Variants in NTN4 observed in about 807,000 individuals in gnomAD.
NTN4 encodes the protein netrin 4.
Under a neutral mutation model 73.6 loss-of-function variants are expected in NTN4, and 32 were observed. The ratio of observed to expected loss-of-function variants is 0.44; its 90% CI spans 0.33 to 0.58. NTN4 has a LOEUF of 0.58. NTN4 is among the 20% of genes least tolerant of loss of function. NTN4 has a pLI of 0.04. For missense variants in NTN4, 654 were observed against 798.3 expected (o/e 0.82, Z 2.18); for synonymous variants, 258 against 287.5 (o/e 0.90, Z 1.04).
intron 2 of NTN4, among the ~76,000 whole-genome samples, chr12:95,779,756 C>T (rs1384352502): frequency 1.3e-5 from 2 of 152,008 alleles, no homozygotes; most frequent in Non-Finnish European, 2.9e-5. Flanking sequence ...GATTCAATGC[C>T]ATCCCCATCA....
Position 95,790,245 on chromosome 12 carries a change from C to T in NTN4, c.55+10G>A, listed in dbSNP as rs1178080852. The T allele has an allele frequency of 6.5e-7, 1 of 1,532,272 alleles. No homozygotes were observed. Among genetic ancestry groups the T allele is most frequent in the South Asian group, 1.2e-5 (1 of 82,180 alleles). 94.9% of individuals were successfully genotyped at this position (1,532,272 alleles called of 1,614,324 possible). ...GGAAGGGGTGGGGGCCCCGCCGCGT[C>T]ACCACCCACCTGCGGCCACCACCGT... is the stretch of plus-strand genomic sequence containing the variant. On this transcript the variant is annotated intron_variant, in intron 1 of 9. Transcript: ENST00000343702. This position sits in a 1 kb window ranked among gnomAD's most constrained non-coding sequence, Gnocchi z 6.5.
At chr12:95,688,163 A>C (rs1198845594) in intron 5 of NTN4, among the ~76,000 whole-genome samples, 3 of 152,146 alleles carry the variant, frequency 2.0e-5, no homozygotes, top group Non-Finnish European at 2.9e-5. Context: ...TATAGACTAG[A>C]GTGGGGAGAG....
intron 2 of NTN4, among the ~76,000 whole-genome samples, chr12:95,757,885 T>A (rs887870308): frequency 6.6e-6 from 1 of 152,008 alleles, no homozygotes; most frequent in African/African-American, 2.4e-5. Context: ...AGAGCTTAGA[T>A]GGAATAAGGG....
intron 2 of NTN4, among the ~76,000 whole-genome samples, chr12:95,785,005 A>G (rs116989055): frequency 6.6e-6 from 1 of 152,230 alleles, no homozygotes; most frequent in African/African-American, 2.4e-5. Context: ...TGTTGCAATA[A>G]ATTTGCAATA....
intron 3 of NTN4, among the ~76,000 whole-genome samples, chr12:95,734,570 C>T (rs7314596): frequency 0.029 from 4,446 of 152,274 alleles, 217 homozygotes; most frequent in African/African-American, 0.1. Flanking sequence ...AAGAAGCTAC[C>T]TTCCATTCTG....
Position 95,789,320 on chromosome 12 carries a change from C to T in NTN4, c.55+935G>A, listed in dbSNP as rs1464824639. Among the ~76,000 whole-genome samples the T allele has an allele frequency of 1.3e-5, 2 of 152,208 alleles. No homozygotes were observed. On this transcript the variant is annotated intron_variant, in intron 1 of 9. Transcript: ENST00000343702. This position sits in a 1 kb window ranked among gnomAD's most constrained non-coding sequence, Gnocchi z 4.0. ...ATGTTCTGTAGCCACCAGCGCATCC[C>T]TCTAGCCCAGGCGCCCCTTTCTGAA...
At chr12:95,684,869 CA>C (rs147332868) in intron 5 of NTN4, among the ~76,000 whole-genome samples, 3,339 of 152,146 alleles carry the variant, frequency 0.022, 129 homozygotes, top group African/African-American at 0.077. Context: ...CAATGCTCAC[CA>C]ACTCTATTTT....
At chr12:95,756,010 G>A (rs1385945225) in intron 2 of NTN4, among the ~76,000 whole-genome samples, 1 of 152,144 alleles carries the variant, frequency 6.6e-6, no homozygotes, top group Admixed American at 6.5e-5. Flanking sequence ...CAATCAATGG[G>A]CTAGTCCAAT....
intron 2 of NTN4, among the ~76,000 whole-genome samples, chr12:95,754,740 T>A (rs1480681062): frequency 1.3e-5 from 2 of 152,064 alleles, no homozygotes; most frequent in Non-Finnish European, 2.9e-5. Context: ...AATTTTCCAT[T>A]ACCTTCCCAA....
intron 3 of NTN4, among the ~76,000 whole-genome samples, chr12:95,727,463 G>C (rs1194669814): frequency 6.6e-6 from 1 of 151,848 alleles, no homozygotes; most frequent in African/African-American, 2.4e-5. Flanking sequence ...TTTATTTGTT[G>C]CTTGTGCTTT....
intron 6 of NTN4, 64 bp downstream of exon 6, chr12:95,683,434 C>T (rs2120992827): frequency 6.8e-7 from 1 of 1,463,254 alleles, no homozygotes; most frequent in Non-Finnish European, 9.5e-7. Flanking sequence ...TTTTCCAAAT[C>T]ACTATAGGTT....
At chr12:95,751,753 C>T (rs976957614) in intron 2 of NTN4, among the ~76,000 whole-genome samples, 6 of 149,158 alleles carry the variant, frequency 4.0e-5, no homozygotes, top group East Asian at 2.0e-4. Flanking sequence ...TTAATCTATA[C>T]GGAGGCTACC....
chr12:95,715,900 C>T (rs2078601626), intron 3 of NTN4, among the ~76,000 whole-genome samples: 1 of 151,946 alleles, frequency 6.6e-6, no homozygotes, highest in South Asian at 2.1e-4. Context: ...CTTTGTTTTA[C>T]TTGTAGTACT....
chr12:95,748,455 T>C (rs1414822689), intron 2 of NTN4, among the ~76,000 whole-genome samples: 2 of 149,358 alleles, frequency 1.3e-5, no homozygotes, highest in African/African-American at 2.5e-5. Context: ...ATCACCTCCA[T>C]AGTAAAACCT....
At chr12:95,704,234 C>T (rs2078507592) in intron 5 of NTN4, among the ~76,000 whole-genome samples, 1 of 152,128 alleles carries the variant, frequency 6.6e-6, no homozygotes, top group South Asian at 2.1e-4. Context: ...CCTTGGTAAG[C>T]TCAGTAAAAT....
chr12:95,713,259 G>T lies in NTN4; in HGVS notation c.944C>A (p.Pro315Gln). ...CGTTTTGCCATCAGCTGCCTCCCAT[G>T]GCCGGTCATTGTATAACGGGGCACA... ...QHCAPLYNDR[P>Q]WEAADGKTGA... is the part of the protein sequence containing the mutation. Residue 315 changes from proline to glutamine, a missense_variant, in exon 4 of 10, where the codon CCA becomes CAA. Transcript: ENST00000343702. 6.2e-7 allele frequency: 1 copy of T among 1,613,552 alleles called. No homozygotes were observed. Among genetic ancestry groups the T allele is most frequent in the Admixed American group, 1.7e-5 (1 of 60,000 alleles).
intron 5 of NTN4, among the ~76,000 whole-genome samples, chr12:95,688,797 A>C (rs574222920): frequency 6.6e-6 from 1 of 152,108 alleles, no homozygotes; most frequent in African/African-American, 2.4e-5. Flanking sequence ...AAAAAGCCAA[A>C]GGATGAGAAA....
chr12:95,744,711 T>C (rs2078849069), intron 2 of NTN4, among the ~76,000 whole-genome samples: 1 of 152,208 alleles, frequency 6.6e-6, no homozygotes, highest in Non-Finnish European at 1.5e-5. Flanking sequence ...GCATTTCACA[T>C]GTATTCACCT....
chr12:95,734,069 CAAA>C (rs34550049), intron 3 of NTN4, among the ~76,000 whole-genome samples: 10 of 94,214 alleles, frequency 1.1e-4, no homozygotes, highest in South Asian at 3.9e-4. Context: ...GACTCCATTT[CAAA>C]AAAAAAAAAA....
Sources: gnomAD v4.1 joint callset for allele counts (sites outside exome capture counted in the v4.1 genomes callset) on GRCh38, gnomAD v4.1.1 for gene constraint, Gnocchi (gnomAD v3.1) non-coding constraint, MANE v1.5 for transcripts, NCBI Gene and HGNC (gene_info 2026-07-23, HGNC 2026-07-21) for gene names.